ZBTB20: variants seen among roughly 807,000 people sequenced by gnomAD.
ZBTB20 encodes the protein zinc finger and BTB domain containing 20, also known as zinc finger and BTB domain-containing protein 20.
ZBTB20 carries 9 observed loss-of-function variants against 56.9 expected under a neutral mutation model. The observed-to-expected ratio is 0.16, with a 90% confidence interval of 0.10 to 0.28. The LOEUF (loss-of-function observed/expected upper bound fraction) is 0.28. Ranked by LOEUF, ZBTB20 falls within the 10% of genes least tolerant of loss-of-function variation. The pLI is 1.00. For synonymous variants in ZBTB20, 417 were observed against 420.7 expected (o/e 0.99, Z 0.11); for missense variants, 655 against 1,003.0 (o/e 0.65, Z 4.69).
At chr3:114,504,460 C>T (rs895976962) in intron 6 of ZBTB20, among the ~76,000 whole-genome samples, 5 of 152,128 alleles carry the variant, frequency 3.3e-5, no homozygotes, top group African/African-American at 1.2e-4. Flanking sequence ...GTCAGTATTC[C>T]TTGTGGGCAA....
rs370113056 is a variant in ZBTB20 at position 114,350,584 on chromosome 3, C to T, written c.1494G>A (p.Gln498=). ...AGGTGTTGCCAGCTGTGCCAATGAC[C>T]TGCGTGTTGCTGGTCAAGGTCAGAG... ...RMPLTLTSNT[Q]VIGTAGNTYL... The change falls in exon 11 of 12, where the codon CAG becomes CAA. Residue 498 remains glutamine (Q), a synonymous_variant. Transcript: ENST00000675478. 24 of 1,614,056 alleles carry T rather than the reference C, an allele frequency of 1.5e-5. No individual in the cohort carries two copies. The highest frequency in any genetic ancestry group is 2.7e-5 in the African/African-American group (2 of 74,920).
chr3:115,127,937 T>C (rs2084379670), intron 1 of ZBTB20, among the ~76,000 whole-genome samples: 1 of 152,198 alleles, frequency 6.6e-6, no homozygotes, highest in Non-Finnish European at 1.5e-5. Flanking sequence ...CTTTGGTTTC[T>C]TGAGGATTAA....
intron 6 of ZBTB20, among the ~76,000 whole-genome samples, chr3:114,621,688 C>T (rs9855604): frequency 0.14 from 21,771 of 151,902 alleles, 1,808 homozygotes; most frequent in Admixed American, 0.25. Flanking sequence ...AATATGCACG[C>T]AAGAAAATAC....
intron 4 of ZBTB20, among the ~76,000 whole-genome samples, chr3:114,840,966 T>A (rs1290465278): frequency 1.3e-5 from 2 of 152,226 alleles, no homozygotes; most frequent in Non-Finnish European, 2.9e-5. Flanking sequence ...AAGTAAAATA[T>A]GTAATAAATT....
At chr3:114,780,144 AT>A (rs2069969475) in intron 5 of ZBTB20, among the ~76,000 whole-genome samples, 1 of 152,248 alleles carries the variant, frequency 6.6e-6, no homozygotes, top group East Asian at 1.9e-4. Flanking sequence ...TTATTGCATA[AT>A]TTTTTTCTTA....
intron 7 of ZBTB20, among the ~76,000 whole-genome samples, chr3:114,480,834 A>T (rs577636557): frequency 1.3e-4 from 20 of 151,208 alleles, no homozygotes; most frequent in African/African-American, 4.4e-4. Context: ...TTTTTTTTTT[A>T]AACAGTTCAA....
chr3:115,111,097 T>C (rs915312397), intron 1 of ZBTB20, among the ~76,000 whole-genome samples: 2 of 151,876 alleles, frequency 1.3e-5, no homozygotes, highest in African/African-American at 4.8e-5. Context: ...TTTGAATGGA[T>C]TGAATTTACT....
chr3:114,707,584 G>A (rs1305612375), intron 5 of ZBTB20, among the ~76,000 whole-genome samples: 2 of 152,158 alleles, frequency 1.3e-5, no homozygotes, highest in Non-Finnish European at 2.9e-5. Context: ...AAAATGTCGG[G>A]AACTCAAAGC....
At chr3:114,432,995 C>G (rs992210450) in intron 7 of ZBTB20, among the ~76,000 whole-genome samples, 9 of 152,134 alleles carry the variant, frequency 5.9e-5, no homozygotes, top group Admixed American at 2.6e-4. Flanking sequence ...ACAGGGTGTA[C>G]AAAACCATTT....
At chr3:114,918,729 G>A (rs866479809) in intron 3 of ZBTB20, among the ~76,000 whole-genome samples, 2 of 152,122 alleles carry the variant, frequency 1.3e-5, no homozygotes, top group Non-Finnish European at 2.9e-5. Flanking sequence ...TGGCTGAGTG[G>A]GATCCAAGTT....
intron 2 of ZBTB20, among the ~76,000 whole-genome samples, chr3:115,012,618 T>G (rs898433084): frequency 2.6e-5 from 4 of 151,762 alleles, no homozygotes; most frequent in Non-Finnish European, 4.4e-5. Flanking sequence ...ACTATAATAG[T>G]TGGAGACTTT....
chr3:114,671,913 G>T (rs965716107), intron 6 of ZBTB20, among the ~76,000 whole-genome samples: 1 of 152,056 alleles, frequency 6.6e-6, no homozygotes, highest in African/African-American at 2.4e-5. Context: ...TTTACCACCA[G>T]TAACACCACG....
intron 2 of ZBTB20, among the ~76,000 whole-genome samples, chr3:115,001,088 C>CA (rs200876162): frequency 0.19 from 15,975 of 85,632 alleles, 937 homozygotes; most frequent in Middle Eastern, 0.28. Context: ...TCCCACAAAT[C>CA]AAAAAAAAAA....
chr3:114,935,364 G>A (rs1049787256), intron 3 of ZBTB20, among the ~76,000 whole-genome samples: 3 of 152,038 alleles, frequency 2.0e-5, no homozygotes, highest in African/African-American at 7.2e-5. Flanking sequence ...CTTCAAGGCT[G>A]GTCTTCAGGG....
Position 114,677,254 on chromosome 3 carries a change from C to A in ZBTB20, c.-295+16274G>T, listed in dbSNP as rs140917531. On this transcript the variant is annotated intron_variant, in intron 6 of 11. Transcript: ENST00000675478. ...GTCTTGATGATGAATCAATTGAATT[C>A]TTTATTTCTGTTACCAGAAACCTTG... Among the ~76,000 whole-genome samples the A allele has an allele frequency of 5.6e-3, 852 of 152,234 alleles. 7 individuals are homozygous for A. The highest frequency in any genetic ancestry group is 0.019 in the African/African-American group (796 of 41,542).
intron 5 of ZBTB20, among the ~76,000 whole-genome samples, chr3:114,767,591 A>G (rs2068871802): frequency 6.6e-6 from 1 of 151,870 alleles, no homozygotes; most frequent in Non-Finnish European, 1.5e-5. Context: ...GGAAGGAAAC[A>G]GAAAGGGAGG....
intron 4 of ZBTB20, among the ~76,000 whole-genome samples, chr3:114,851,658 A>C (rs2075006974): frequency 6.6e-6 from 1 of 151,810 alleles, no homozygotes; most frequent in Non-Finnish European, 1.5e-5. Context: ...TTTATTTTCT[A>C]ATTCCTTAAC....
intron 5 of ZBTB20, among the ~76,000 whole-genome samples, chr3:114,755,668 T>C (rs1232096121): frequency 6.6e-6 from 1 of 152,114 alleles, no homozygotes; most frequent in African/African-American, 2.4e-5. Flanking sequence ...TGTCCTTTTT[T>C]TCTCTCTCTA....
chr3:114,422,721 GA>G (rs2089295555), intron 7 of ZBTB20, among the ~76,000 whole-genome samples: 1 of 152,124 alleles, frequency 6.6e-6, no homozygotes, highest in African/African-American at 2.4e-5. Context: ...TGTAACCGCT[GA>G]TTATTTAGGT....
Sources: gnomAD v4.1 joint callset for allele counts (sites outside exome capture counted in the v4.1 genomes callset) on GRCh38, gnomAD v4.1.1 for gene constraint, MANE v1.5 for transcripts, NCBI Gene and HGNC (gene_info 2026-07-23, HGNC 2026-07-21) for gene names.